The following PSME4 variants were observed in gnomAD, a reference collection of about 807,000 sequenced individuals.
PSME4 encodes the protein proteasome activator subunit 4.
A neutral mutation model predicts 253.9 loss-of-function variants in PSME4; 89 were observed. That is an observed-to-expected ratio of 0.35 (90% CI 0.30 to 0.42). The LOEUF (loss-of-function observed/expected upper bound fraction) is 0.42. Among genes scored for constraint, PSME4 ranks in the 10% least tolerant of loss-of-function variants. The pLI is 1.00. For synonymous variants in PSME4, 851 were observed against 759.2 expected (o/e 1.12, Z -1.99); for missense variants, 2,014 against 2,195.2 (o/e 0.92, Z 1.65).
intron 34 of PSME4, 137 bp from the exon 35 acceptor site, chr2:53,893,936 A>G: frequency 7.5e-7 from 1 of 1,328,376 alleles, no homozygotes. Context: ...TAGTTCTCAT[A>G]GACTACAGTG....
chr2:53,961,656 C>T (rs1286327441), intron 1 of PSME4, among the ~76,000 whole-genome samples: 2 of 151,638 alleles, frequency 1.3e-5, no homozygotes, highest in East Asian at 1.9e-4. Context: ...CCAACCTGGG[C>T]GACAGAGCAA....
In PSME4 at chr2:53,878,989, G is replaced by T. The variant is rs118156026; in HGVS notation, c.4816-3234C>A. On this transcript the variant is annotated intron_variant, in intron 41 of 46. Transcript: ENST00000404125. ...ACTAATAAAAACTTGCTGGTTTTAC[G>T]GCTCAGGGGCATCAAGGAACCTGCT... 1.0e-3 allele frequency among the ~76,000 whole-genome samples: 156 copies of T among 152,156 alleles called. 1 individual carries two copies. In the East Asian group the frequency reaches 0.018, roughly 18 times the overall value.
At chr2:53,925,903 T>C (rs1220840896) in intron 13 of PSME4, 56 bp downstream of exon 13, 8 of 1,520,520 alleles carry the variant, frequency 5.3e-6, no homozygotes, top group African/African-American at 4.1e-5. Context: ...CTTTCTGGGA[T>C]AGAAGAGTCA....
intron 20 of PSME4, among the ~76,000 whole-genome samples, chr2:53,913,018 T>C (rs903178000): frequency 5.9e-5 from 9 of 152,156 alleles, no homozygotes; most frequent in African/African-American, 2.2e-4. Flanking sequence ...TCAAATTCCA[T>C]CACTACCTCT....
At chr2:53,875,877 A>T in intron 41 of PSME4, 122 bp from the exon 42 acceptor site, 1 of 859,794 alleles carries the variant, frequency 1.2e-6, no homozygotes, top group Non-Finnish European at 1.7e-6. Flanking sequence ...TCAAACACAT[A>T]AACTAGAGAA....
chr2:53,933,415 T>C (rs1171042768), intron 8 of PSME4, among the ~76,000 whole-genome samples: 1 of 136,220 alleles, frequency 7.3e-6, no homozygotes, highest in Non-Finnish European at 1.5e-5. Context: ...CGTTTCCCTC[T>C]GTTGTCCAGG....
chr2:53,913,083 T>C (rs1188845586), intron 20 of PSME4, among the ~76,000 whole-genome samples: 3 of 152,184 alleles, frequency 2.0e-5, no homozygotes, highest in Admixed American at 1.3e-4. Context: ...TTACAAACCA[T>C]AGTATCATTT....
At chr2:53,939,423 T>C (rs1669277874) in intron 4 of PSME4, among the ~76,000 whole-genome samples, 1 of 152,144 alleles carries the variant, frequency 6.6e-6, no homozygotes, top group South Asian at 2.1e-4. Flanking sequence ...TCATCTTTGA[T>C]CATATGAATA....
chr2:53,901,576 A>G lies in PSME4; in HGVS notation c.3076-17T>C. The G allele has an allele frequency of 6.4e-7, 1 of 1,567,590 alleles. No homozygotes were observed. Among genetic ancestry groups the G allele is most frequent in the Non-Finnish European group, 8.7e-7 (1 of 1,143,070 alleles). On this transcript the variant is annotated splice_polypyrimidine_tract_variant and intron_variant, in intron 27 of 46. Transcript: ENST00000404125. ...CAAGGCACCCTGCAGAAAAAAAAAT[A>G]TATATATGTTTACATGGGAAATAAG...
chr2:53,882,113 A>G (rs1318192421), intron 41 of PSME4, among the ~76,000 whole-genome samples: 1 of 152,080 alleles, frequency 6.6e-6, no homozygotes, highest in African/African-American at 2.4e-5. Flanking sequence ...TAAGATTTTT[A>G]ACAGAACAGC....
At chr2:53,938,214 T>C (rs1223456872) in intron 4 of PSME4, among the ~76,000 whole-genome samples, 1 of 152,110 alleles carries the variant, frequency 6.6e-6, no homozygotes, top group Non-Finnish European at 1.5e-5. Context: ...AGGAAAAGGA[T>C]TACCAGTAGA....
At position 53,892,899 on chromosome 2, in the gene PSME4, A is replaced by G. The variant is rs1679974019; in HGVS notation, c.4100T>C (p.Leu1367Ser). 1 of 1,613,926 alleles carries G rather than the reference A, an allele frequency of 6.2e-7. No homozygotes were observed. Among genetic ancestry groups the G allele is most frequent in the African/African-American group, 1.3e-5 (1 of 75,040 alleles). The change falls in exon 36 of 47, where the codon TTG becomes TCG. Residue 1367 changes from leucine (L) to serine (S), a missense_variant. Transcript: ENST00000404125. ...LPVLKPHLEH[L>S]VADSHESTQR... The stretch of plus-strand genomic sequence containing the variant: ...GGTGCTTTCATGTGAATCTGCAACC[A>G]AATGTTCTAAATGGGGCTTCAGAAC...
chr2:53,931,730 A>C (rs1668839156), intron 10 of PSME4, 105 bp downstream of exon 10: 1 of 1,204,102 alleles, frequency 8.3e-7, no homozygotes, highest in African/African-American at 1.5e-5. Flanking sequence ...AACAGGAATA[A>C]GCATCGAAGA....
Position 53,898,312 on chromosome 2 carries a change from C to A in PSME4, c.3465G>T (p.Glu1155Asp), listed in dbSNP as rs113742132. Reference protein sequence around the residue: ...NLVDTLLDGVEQRNLPWKFEH... With the variant: ...NLVDTLLDGVDQRNLPWKFEH... Reference sequence around the variant, plus strand: ...TCTTTTGCACTTACAGGTTTCTTTGCTCCACACCATCTAGCAAGGTGTCTA... The same window carrying A: ...TCTTTTGCACTTACAGGTTTCTTTGATCCACACCATCTAGCAAGGTGTCTA... Residue 1155 changes from glutamate to aspartate, a missense_variant, in exon 30 of 47, where the codon GAG (glutamate) becomes GAT (aspartate). By Grantham distance (45) the Glu-to-Asp change is conservative. This residue lies in a region of PSME4 where 989 missense variants were observed against 1,021.1 expected (regional missense o/e 0.97). Coordinates refer to ENST00000404125, the MANE Select transcript of PSME4 (RefSeq NM_014614.3). 1.2e-6 allele frequency: 2 copies of A among 1,607,388 alleles called. No individual in the cohort carries two copies. Among genetic ancestry groups the A allele is most frequent in the Non-Finnish European group, 1.7e-6 (2 of 1,177,518 alleles).
At chr2:53,947,960 G>A (rs533578742) in intron 3 of PSME4, among the ~76,000 whole-genome samples, 8 of 152,132 alleles carry the variant, frequency 5.3e-5, no homozygotes, top group Non-Finnish European at 1.0e-4. Context: ...AGGTTGCAGT[G>A]AGCTGAGATC....
At chr2:53,907,571 T>G (rs1680717552) in intron 24 of PSME4, among the ~76,000 whole-genome samples, 1 of 152,194 alleles carries the variant, frequency 6.6e-6, no homozygotes, top group African/African-American at 2.4e-5. Context: ...TTTTTAATGT[T>G]TAGTGAATTG....
Position 53,932,704 on chromosome 2 carries a change from T to A in PSME4, c.1014A>T (p.Thr338=). 1 of 1,613,962 alleles carries A rather than the reference T, an allele frequency of 6.2e-7. No individual in the cohort carries two copies. Among genetic ancestry groups the A allele is most frequent in the Non-Finnish European group, 8.5e-7 (1 of 1,179,856 alleles). The part of the protein sequence containing the change: ...KHLAGLFNSI[T]SFYHPSNNGR... ...CATTATTTGAAGGATGGTAAAAAGA[T>A]GTGATGCTGTTAAACAAACCAGCTA... The change falls in exon 9 of 47, where the codon ACA becomes ACT. Residue 338 remains threonine, a synonymous_variant. Coordinates refer to ENST00000404125, the MANE Select transcript of PSME4 (RefSeq NM_014614.3).
intron 3 of PSME4, among the ~76,000 whole-genome samples, chr2:53,940,985 A>ATATAT (rs1553338484): frequency 3.2e-5 from 3 of 95,030 alleles, no homozygotes; most frequent in Non-Finnish European, 7.0e-5. Context: ...ATATATATAT[A>ATATAT]TATATATATA....
Position 53,896,882 on chromosome 2 carries a change from C to T in PSME4, c.3610G>A (p.Ala1204Thr). ...NHDAIVVRKM[A>T]ISAVAGILKQ... is the part of the protein sequence containing the mutation. ...AGGATACCAGCAACAGCTGAGATAG[C>T]CATCTAGAAAAGGAAAAAGGTACAC... The change falls in exon 32 of 47, where the codon GCT (alanine) becomes ACT (threonine). Residue 1204 changes from alanine to threonine, a missense_variant. Around this residue, in one of 4 missense-constraint regions of PSME4, gnomAD observed 989 missense variants for 1,021.1 expected, o/e 0.97. Coordinates refer to ENST00000404125, the MANE Select transcript of PSME4 (RefSeq NM_014614.3). The T allele has an allele frequency of 1.9e-6, 3 of 1,609,264 alleles. No homozygotes were observed. Among genetic ancestry groups the T allele is most frequent in the Non-Finnish European group, 2.6e-6 (3 of 1,175,896 alleles).
Sources: allele counts gnomAD v4.1 joint callset (sites outside exome capture counted in the v4.1 genomes callset), GRCh38; gene constraint gnomAD v4.1.1; regional missense constraint gnomAD v4.1.1; transcripts MANE v1.5; gene names NCBI Gene and HGNC (gene_info 2026-07-23, HGNC 2026-07-21).